The following MAPK10 variants were observed in gnomAD, a reference collection of about 807,000 sequenced individuals.
MAPK10 encodes the protein JNK3 alpha protein kinase.
MAPK10 carries 25 observed loss-of-function variants against 59.3 expected under a neutral mutation model. The ratio of observed to expected loss-of-function variants is 0.42; its 90% CI spans 0.31 to 0.59. The LOEUF (loss-of-function observed/expected upper bound fraction) is 0.59. Among genes scored for constraint, MAPK10 ranks in the 20% least tolerant of loss-of-function variants. The pLI is 0.15. For synonymous variants in MAPK10, 190 were observed against 200.5 expected, an observed-to-expected ratio of 0.95 and a Z score of 0.44; for missense variants, 351 against 568.9, an observed-to-expected ratio of 0.62 and a Z score of 3.90.
At position 86,176,813 on chromosome 4, in the gene MAPK10, TC is replaced by T. The variant is rs2075791127; in HGVS notation, c.67-17347del. ...GACCGTTATCATGACAGTACAGAAA[TC>T]TCTGTGATTTATTTCAACATACAAG... On this transcript the variant is annotated intron_variant, in intron 3 of 13. Coordinates refer to ENST00000641462, the MANE Select transcript of MAPK10 (RefSeq NM_138982.4). 5.3e-5 allele frequency among the ~76,000 whole-genome samples: 8 copies of T among 152,174 alleles called. No homozygotes were observed. The South Asian group carries it at 1.7e-3, about 32-fold the overall frequency.
chr4:86,056,216 C>T (rs2044519331), intron 11 of MAPK10, among the ~76,000 whole-genome samples: 1 of 150,094 alleles, frequency 6.7e-6, no homozygotes, highest in Admixed American at 6.6e-5. Context: ...CAGTGCTACA[C>T]TCAAACTAAC....
chr4:86,088,803 G>T (rs2052489596), intron 9 of MAPK10, among the ~76,000 whole-genome samples: 1 of 152,096 alleles, frequency 6.6e-6, no homozygotes. Context: ...AAATTTCCAT[G>T]CCAAATGAAT....
intron 2 of MAPK10, among the ~76,000 whole-genome samples, chr4:86,332,371 A>G (rs1156701060): frequency 1.3e-5 from 2 of 152,156 alleles, no homozygotes; most frequent in African/African-American, 4.8e-5. Flanking sequence ...TTAAAATCTC[A>G]TCAAACACAT....
intron 1 of MAPK10, among the ~76,000 whole-genome samples, chr4:86,491,095 T>C (rs1754421147): frequency 6.6e-6 from 1 of 152,206 alleles, no homozygotes; most frequent in Non-Finnish European, 1.5e-5. Flanking sequence ...GGCTATCCCA[T>C]GCATGGGAGA....
chr4:86,437,087 A>G (rs925584990), intron 1 of MAPK10, among the ~76,000 whole-genome samples: 4 of 151,776 alleles, frequency 2.6e-5, no homozygotes, highest in South Asian at 2.1e-4. Context: ...GGTGGCAGGC[A>G]CCTGTAGTCC....
At chr4:86,084,074 C>G (rs181423580) in intron 9 of MAPK10, among the ~76,000 whole-genome samples, 1 of 152,128 alleles carries the variant, frequency 6.6e-6, no homozygotes, top group East Asian at 1.9e-4. Context: ...TGCTGAGGGC[C>G]TTGGGTGAAA....
chr4:86,110,407 G>T (rs1033981295), intron 4 of MAPK10, among the ~76,000 whole-genome samples: 2 of 152,108 alleles, frequency 1.3e-5, no homozygotes, highest in African/African-American at 4.8e-5. Flanking sequence ...TTTGTATAAG[G>T]TGTAAGGAAG....
Position 86,103,117 on chromosome 4 carries a change from G to GTGTGTGTGTA in MAPK10, c.425+68_425+69insTACACACACA. 4.0e-6 allele frequency: 3 copies of GTGTGTGTGTA among 743,280 alleles called. No homozygotes were observed. In the South Asian group the frequency reaches 4.5e-5, roughly 11 times the overall value. 46.0% of individuals were successfully genotyped at this position (743,280 alleles called of 1,614,324 possible). A position where few individuals can be genotyped will look rare whatever the true frequency, so the allele number is the denominator to read the frequency against. On this transcript the variant is annotated intron_variant, in intron 6 of 13. Coordinates refer to ENST00000641462, the MANE Select transcript of MAPK10 (RefSeq NM_138982.4). The stretch of plus-strand genomic sequence containing the variant: ...TGTGTGTGTGTGTGTGTGTGTGTGT[G>GTGTGTGTGTA]GTGTGTGATTTTCCCTTGGGCTATC...
intron 1 of MAPK10, among the ~76,000 whole-genome samples, chr4:86,581,901 A>T (rs1344518016): frequency 0.36 from 254 of 700 alleles, 1 homozygote; most frequent in Non-Finnish European, 0.44. Flanking sequence ...TATATATATT[A>T]TATATATATA....
intron 2 of MAPK10, among the ~76,000 whole-genome samples, chr4:86,285,137 C>T (rs139481913): frequency 6.6e-6 from 1 of 152,156 alleles, no homozygotes; most frequent in African/African-American, 2.4e-5. Flanking sequence ...GTAGAGTAGA[C>T]CAGTAATGTG....
At chr4:86,396,908 A>G (rs1416836098) in intron 1 of MAPK10, among the ~76,000 whole-genome samples, 1 of 152,198 alleles carries the variant, frequency 6.6e-6, no homozygotes, top group East Asian at 1.9e-4. Context: ...AGTAATTTTT[A>G]TATTGATTTC....
chr4:86,229,959 G>GCCT (rs1479311010), intron 2 of MAPK10, among the ~76,000 whole-genome samples: 1 of 152,178 alleles, frequency 6.6e-6, no homozygotes, highest in Non-Finnish European at 1.5e-5. Context: ...TACACAGGAG[G>GCCT]CTGAGGCAGG....
Position 86,359,741 on chromosome 4 carries a change from C to A in MAPK10, c.-205G>T. The A allele has an allele frequency of 1.0e-6, 1 of 985,644 alleles. No individual in the cohort carries two copies. Among genetic ancestry groups the A allele is most frequent in the African/African-American group, 1.7e-5 (1 of 57,286 alleles). The allele number at this position is 985,644 out of a possible 1,614,324, so 61.1% of individuals were successfully genotyped here. On this transcript the variant is annotated 5_prime_UTR_variant, in exon 1 of 14. Transcript: ENST00000641462. ...CTACTTGTTTTTCATTAACCACATT[C>A]CAGACTAACATGGAAGAGATTCTTT...
chr4:86,468,941 C>G (rs188816051), intron 1 of MAPK10, among the ~76,000 whole-genome samples: 269 of 152,200 alleles, frequency 1.8e-3, no homozygotes, highest in Middle Eastern at 6.8e-3. Flanking sequence ...GATTAGAATT[C>G]CCAATTGACC....
chr4:86,274,652 A>T (rs1437603926), intron 2 of MAPK10, among the ~76,000 whole-genome samples: 3 of 151,728 alleles, frequency 2.0e-5, no homozygotes, highest in Non-Finnish European at 4.4e-5. Flanking sequence ...TCCATCCTTA[A>T]TTCTATTGTT....
intron 4 of MAPK10, among the ~76,000 whole-genome samples, chr4:86,133,911 A>G (rs2061445983): frequency 1.3e-5 from 2 of 152,360 alleles, no homozygotes; most frequent in Non-Finnish European, 2.9e-5. Flanking sequence ...ATGTAATCTT[A>G]GAATGGGATG....
chr4:86,065,194 G>A (rs957202525), intron 10 of MAPK10: 2 of 152,072 alleles, frequency 1.3e-5, no homozygotes, highest in Admixed American at 1.3e-4. Flanking sequence ...TTAAAGGAGT[G>A]AGCCACTGCT....
chr4:86,437,879 C>CTA (rs1469149882), intron 1 of MAPK10, among the ~76,000 whole-genome samples: 3 of 152,116 alleles, frequency 2.0e-5, no homozygotes, highest in African/African-American at 7.2e-5. Context: ...ATAAACTGTA[C>CTA]TATGCTCACT....
chr4:86,268,054 G>A (rs1478567813), intron 2 of MAPK10: 2 of 152,124 alleles, frequency 1.3e-5, no homozygotes, highest in East Asian at 3.9e-4. Context: ...GTTATGCATT[G>A]GATCAATAAC....
Sources: allele counts gnomAD v4.1 joint callset (sites outside exome capture counted in the v4.1 genomes callset), GRCh38; gene constraint gnomAD v4.1.1; transcripts MANE v1.5; gene names NCBI Gene and HGNC (gene_info 2026-07-23, HGNC 2026-07-21).